ENPP3: variants seen among roughly 807,000 people sequenced by gnomAD.
ENPP3 encodes the protein ectonucleotide pyrophosphatase/phosphodiesterase 3.
In ENPP3, 104 loss-of-function variants were observed where a neutral mutation model predicts 117.8. The observed-to-expected ratio is 0.88, with a 90% CI of 0.75 to 1.04. The LOEUF is 1.04. Among genes scored for constraint, ENPP3 ranks in the 50% least tolerant of loss-of-function variants. The probability of loss-of-function intolerance (pLI) is 0.00; values close to 1 mark genes in which losing one functional copy is unlikely to be tolerated. For synonymous variants in ENPP3, 380 were observed against 349.9 expected (o/e 1.09, Z -0.96); for missense variants, 1,026 against 1,051.9 (o/e 0.98, Z 0.34).
Position 131,637,399 on chromosome 6 carries a change from G to A in ENPP3, c.15G>A (p.Leu5=), listed in dbSNP as rs754266041. 3 of 1,597,126 alleles carry A rather than the reference G, an allele frequency of 1.9e-6. No homozygotes were observed. The highest frequency in any genetic ancestry group is 2.6e-6 in the Non-Finnish European group (3 of 1,172,000). Residue 5 remains leucine (L), a synonymous_variant, in exon 1 of 25, where the codon TTG becomes TTA. Transcript: ENST00000357639. ...CTACCAGGACAATGGAATCTACGTTGACTTTAGCAACGGAACAACCTGTTA... is the reference window on the plus strand; with the variant it reads ...CTACCAGGACAATGGAATCTACGTTAACTTTAGCAACGGAACAACCTGTTA... MEST[L]TLATEQPVKK...
At chr6:131,652,410 G>A (rs1228085545) in intron 3 of ENPP3, 132 bp from the exon 4 acceptor site, 1 of 939,592 alleles carries the variant, frequency 1.1e-6, no homozygotes, top group Non-Finnish European at 1.6e-6. Context: ...TTGGTATTAT[G>A]TATTTTCATT....
chr6:131,660,037 C>A (rs1778465400), intron 6 of ENPP3, among the ~76,000 whole-genome samples: 1 of 152,134 alleles, frequency 6.6e-6, no homozygotes. Flanking sequence ...ATATAGACAA[C>A]ATCTCAATCC....
In ENPP3 at chr6:131,637,416, A is replaced by G. The variant is rs1192677796; in HGVS notation, c.32A>G (p.Gln11Arg). 6.3e-7 allele frequency: 1 copy of G among 1,597,270 alleles called. No individual in the cohort carries two copies. The highest frequency in any genetic ancestry group is 8.5e-7 in the Non-Finnish European group (1 of 1,172,294). The change falls in exon 1 of 25, where the codon CAA (glutamine) becomes CGA (arginine). Residue 11 changes from glutamine to arginine, a missense_variant. Gln to Arg is a conservative substitution (Grantham distance 43, BLOSUM62 1). Coordinates refer to ENST00000357639, the MANE Select transcript of ENPP3 (RefSeq NM_005021.5). MESTLTLATE[Q>R]PVKKNTLKKY... ...TCTACGTTGACTTTAGCAACGGAACAACCTGTTAAGAAGAACACTCTTAAG... is the reference window on the plus strand; with the variant it reads ...TCTACGTTGACTTTAGCAACGGAACGACCTGTTAAGAAGAACACTCTTAAG...
chr6:131,649,192 T>C (rs539563238), intron 2 of ENPP3, among the ~76,000 whole-genome samples: 41 of 152,308 alleles, frequency 2.7e-4, no homozygotes, highest in African/African-American at 8.4e-4. Context: ...AAAAATTTCT[T>C]GCTTAGTTCA....
intron 20 of ENPP3, among the ~76,000 whole-genome samples, chr6:131,730,741 C>G (rs551144727): frequency 6.6e-6 from 1 of 152,020 alleles, no homozygotes; most frequent in Non-Finnish European, 1.5e-5. Context: ...ATGGCAAAAC[C>G]CTGTTTCTAC....
At position 131,683,961 on chromosome 6, in the gene ENPP3, C is replaced by T. The variant is rs115031410; in HGVS notation, c.1120+799C>T. Among the ~76,000 whole-genome samples the T allele has an allele frequency of 3.8e-3, 579 of 152,160 alleles. 6 individuals are homozygous for T. Among genetic ancestry groups the T allele is most frequent in the African/African-American group, 0.013 (539 of 41,520 alleles). ...AGCGATGGGGTTTCACCGTGTTAGC[C>T]CGGTTAGTCTCAATCTCCTGACTTT... On this transcript the variant is annotated intron_variant, in intron 12 of 24. Coordinates refer to ENST00000357639, the MANE Select transcript of ENPP3 (RefSeq NM_005021.5).
chr6:131,677,416 A>G (rs182618381), intron 10 of ENPP3, among the ~76,000 whole-genome samples: 123 of 152,300 alleles, frequency 8.1e-4, no homozygotes, highest in Admixed American at 1.7e-3. Context: ...TTATAAGGAT[A>G]GACTCCAAGA....
chr6:131,663,442 T>C (rs1287838646), intron 6 of ENPP3, among the ~76,000 whole-genome samples: 1 of 150,310 alleles, frequency 6.7e-6, no homozygotes, highest in Non-Finnish European at 1.5e-5. Flanking sequence ...ATCCTAGCAC[T>C]TCAGAAGGCC....
chr6:131,737,183 C>A (rs1332623869), intron 21 of ENPP3, among the ~76,000 whole-genome samples, 172 bp from the exon 22 acceptor site: 1 of 152,142 alleles, frequency 6.6e-6, no homozygotes. Context: ...ACACTTCAAC[C>A]CACTACAGGC....
intron 6 of ENPP3, 146 bp from the exon 7 acceptor site, chr6:131,671,102 G>A (rs1173472023): frequency 1.6e-6 from 1 of 609,088 alleles, no homozygotes; most frequent in East Asian, 2.9e-5. Flanking sequence ...GAAGCTTAGA[G>A]ACCAGAATTT....
intron 15 of ENPP3, chr6:131,708,874 A>G: frequency 1.2e-6 from 2 of 1,608,986 alleles, no homozygotes; most frequent in Non-Finnish European, 1.7e-6. Flanking sequence ...TCCTCTTCTC[A>G]TGAATGGGCC....
At chr6:131,662,066 A>G (rs1778513199) in intron 6 of ENPP3, among the ~76,000 whole-genome samples, 1 of 152,040 alleles carries the variant, frequency 6.6e-6, no homozygotes, top group South Asian at 2.1e-4. Flanking sequence ...CTTTGAGTTG[A>G]TTTTTGTGTA....
intron 14 of ENPP3, among the ~76,000 whole-genome samples, chr6:131,687,823 A>C (rs980580841): frequency 3.9e-5 from 6 of 152,228 alleles, no homozygotes; most frequent in Non-Finnish European, 8.8e-5. Context: ...TATATATTTA[A>C]AATATATTCA....
intron 7 of ENPP3, 50 bp downstream of exon 7, chr6:131,671,377 C>T: frequency 9.5e-7 from 1 of 1,048,122 alleles, no homozygotes; most frequent in Non-Finnish European, 1.5e-6. Flanking sequence ...GAACTGACCA[C>T]ATAAACAGAC....
At chr6:131,680,057 C>T (rs1205717825) in intron 11 of ENPP3, among the ~76,000 whole-genome samples, 1 of 152,124 alleles carries the variant, frequency 6.6e-6, no homozygotes, top group Non-Finnish European at 1.5e-5. Context: ...AAGGAGGTGA[C>T]AGGACCAGAT....
chr6:131,679,140 G>T (rs969840278), intron 11 of ENPP3, among the ~76,000 whole-genome samples: 1 of 147,972 alleles, frequency 6.8e-6, no homozygotes, highest in Non-Finnish European at 1.5e-5. Flanking sequence ...TGTCACCCAG[G>T]CTGGAATGCA....
At chr6:131,746,482 A>C (rs940298936) in intron 24 of ENPP3, among the ~76,000 whole-genome samples, 6 of 152,202 alleles carry the variant, frequency 3.9e-5, no homozygotes, top group Non-Finnish European at 1.5e-5. Context: ...AAAGATGTTT[A>C]GTTCTGAACA....
intron 15 of ENPP3, among the ~76,000 whole-genome samples, chr6:131,695,642 A>C (rs1485584988): frequency 6.6e-6 from 1 of 152,208 alleles, no homozygotes; most frequent in African/African-American, 2.4e-5. Flanking sequence ...TGGGCCAGGC[A>C]CGGTGGCTCA....
rs368471779 is a variant in ENPP3 at position 131,733,557 on chromosome 6, G to T, written c.1954-31G>T. 4 of 1,597,232 alleles carry T rather than the reference G, an allele frequency of 2.5e-6. No homozygotes were observed. In the African/African-American group the frequency reaches 4.0e-5, roughly 16 times the overall value. On this transcript the variant is annotated intron_variant, in intron 20 of 24. Coordinates refer to ENST00000357639, the MANE Select transcript of ENPP3 (RefSeq NM_005021.5). ...GGCAATGGGTGAGCCGCAATTGTGGGCGTAATTTTTTTCTCTCTCTCTTTG... is the reference window on the plus strand; with the variant it reads ...GGCAATGGGTGAGCCGCAATTGTGGTCGTAATTTTTTTCTCTCTCTCTTTG...
Sources: gnomAD v4.1 joint callset for allele counts (sites outside exome capture counted in the v4.1 genomes callset) on GRCh38, gnomAD v4.1.1 for gene constraint, MANE v1.5 for transcripts, NCBI Gene and HGNC (gene_info 2026-07-23, HGNC 2026-07-21) for gene names.